Variants in JMJD1C observed in about 807,000 individuals in gnomAD.
JMJD1C encodes jumonji domain-containing protein 1C.
In JMJD1C, 31 loss-of-function variants were observed where a neutral mutation model predicts 245.3. The observed-to-expected ratio is 0.13, with a 90% confidence interval of 0.09 to 0.17. The LOEUF is 0.17. JMJD1C is among the 10% of genes least tolerant of loss of function. JMJD1C has a pLI of 1.00. For missense variants in JMJD1C, 2,691 were observed against 3,000.2 expected (o/e 0.90, Z 2.41); for synonymous variants, 1,057 against 1,017.4 (o/e 1.04, Z -0.74).
At chr10:63,280,676 C>A (rs760372064) in intron 2 of JMJD1C, among the ~76,000 whole-genome samples, 4 of 152,106 alleles carry the variant, frequency 2.6e-5, no homozygotes, top group Non-Finnish European at 4.4e-5. Context: ...TTAATATTAT[C>A]TTGTTCAATC....
intron 2 of JMJD1C, among the ~76,000 whole-genome samples, chr10:63,293,666 T>A (rs895613535): frequency 6.6e-6 from 1 of 152,188 alleles, no homozygotes; most frequent in Non-Finnish European, 1.5e-5. Context: ...GCCCAATTAT[T>A]GATAAATTCA....
chr10:63,450,807 A>C (rs1351264597), intron 1 of JMJD1C, among the ~76,000 whole-genome samples: 1 of 152,160 alleles, frequency 6.6e-6, no homozygotes, highest in Non-Finnish European at 1.5e-5. Flanking sequence ...GCAGCATTGG[A>C]CTAGTCAGAA....
chr10:63,338,373 A>C (rs1004127087), intron 2 of JMJD1C, among the ~76,000 whole-genome samples: 9 of 152,024 alleles, frequency 5.9e-5, no homozygotes, highest in Non-Finnish European at 1.2e-4. Context: ...GCCTCAAGAA[A>C]TTATTCCATC....
At chr10:63,454,061 G>A (rs1043978516) in intron 1 of JMJD1C, among the ~76,000 whole-genome samples, 1 of 151,974 alleles carries the variant, frequency 6.6e-6, no homozygotes, top group Non-Finnish European at 1.5e-5. Flanking sequence ...TTTTCTACTA[G>A]TCAGAAAATT....
chr10:63,203,917 CATTATTTAATCCATGA>C (rs1846307846), intron 10 of JMJD1C: 1 of 977,088 alleles, frequency 1.0e-6, no homozygotes, highest in East Asian at 1.1e-4. Flanking sequence ...AGAAAATAGA[CATTATTTAATCCATGA>C]AGTAGATAAT....
At position 63,500,855 on chromosome 10, in the gene JMJD1C, GGATA is replaced by G. The variant is rs749694320; in HGVS notation, n.113+20879_113+20882del. 1.3e-3 allele frequency among the ~76,000 whole-genome samples: 191 copies of G among 152,134 alleles called. 1 individual carries two copies. The highest frequency in any genetic ancestry group is 1.7e-3 in the Non-Finnish European group (115 of 67,976). On this transcript the variant is annotated intron_variant and non_coding_transcript_variant, in intron 1 of 3. Coordinates refer to the JMJD1C transcript ENST00000633035. ...TGCACAGATGGATGGATGGATGGATGGATAGATAGATAAATGTATGTTTAACTAT... is the reference window on the plus strand; with the variant it reads ...TGCACAGATGGATGGATGGATGGATGGATAGATAAATGTATGTTTAACTAT...
chr10:63,352,285 A>C (rs1290314437), intron 2 of JMJD1C, among the ~76,000 whole-genome samples: 1 of 152,206 alleles, frequency 6.6e-6, no homozygotes, highest in Non-Finnish European at 1.5e-5. Flanking sequence ...TAATAGACAT[A>C]TTTTCAAAAA....
At chr10:63,268,922 G>C in intron 2 of JMJD1C, 1 of 985,790 alleles carries the variant, frequency 1.0e-6, no homozygotes, top group Non-Finnish European at 1.2e-6. Flanking sequence ...AGTCTCCAAC[G>C]AGCAAATGAC....
intron 2 of JMJD1C, among the ~76,000 whole-genome samples, chr10:63,365,395 G>A (rs533766859): frequency 4.9e-4 from 75 of 152,194 alleles, no homozygotes; most frequent in African/African-American, 1.7e-3. Context: ...ATAAAAATTA[G>A]GTTGTTTTCC....
chr10:63,502,218 A>T (rs1219537914), intron 1 of JMJD1C, among the ~76,000 whole-genome samples: 1 of 152,212 alleles, frequency 6.6e-6, no homozygotes, highest in Non-Finnish European at 1.5e-5. Flanking sequence ...CCTTTCTCCC[A>T]AGTAAGGTTA....
chr10:63,493,669 C>T (rs1465289888), intron 1 of JMJD1C, among the ~76,000 whole-genome samples: 2 of 152,128 alleles, frequency 1.3e-5, no homozygotes, highest in Non-Finnish European at 2.9e-5. Context: ...TTTGAAAGTA[C>T]ATATTATTAG....
chr10:63,361,442 T>A (rs1232714645), intron 2 of JMJD1C, among the ~76,000 whole-genome samples: 1 of 151,906 alleles, frequency 6.6e-6, no homozygotes, highest in Non-Finnish European at 1.5e-5. Context: ...AGTAAGTACA[T>A]AAACAAATGA....
At chr10:63,409,211 T>C (rs371310906) in intron 1 of JMJD1C, among the ~76,000 whole-genome samples, 2 of 152,320 alleles carry the variant, frequency 1.3e-5, no homozygotes, top group Non-Finnish European at 2.9e-5. Flanking sequence ...CCACTCGTAA[T>C]TGACATCTTA....
intron 2 of JMJD1C, among the ~76,000 whole-genome samples, chr10:63,326,965 T>C (rs748741555): frequency 2.6e-5 from 4 of 152,044 alleles, no homozygotes; most frequent in Non-Finnish European, 4.4e-5. Flanking sequence ...GACAGGAAGA[T>C]TGCTTGAGTC....
chr10:63,392,867 A>AC (rs1554918146), intron 1 of JMJD1C, among the ~76,000 whole-genome samples: 5 of 112,282 alleles, frequency 4.5e-5, no homozygotes, highest in Admixed American at 1.1e-4. Flanking sequence ...AAAGTACATA[A>AC]ACACACACAC....
chr10:63,184,139 G>A (rs1843821042), intron 21 of JMJD1C, among the ~76,000 whole-genome samples: 1 of 151,894 alleles, frequency 6.6e-6, no homozygotes. Context: ...GTCAGCCAGG[G>A]TGGTCTCAAT....
intron 3 of JMJD1C, among the ~76,000 whole-genome samples, chr10:63,224,016 G>A (rs1358163972): frequency 1.8e-4 from 27 of 151,838 alleles, no homozygotes; most frequent in Non-Finnish European, 1.5e-5. Flanking sequence ...CCTCCCAATG[G>A]GATTACAGGC....
At chr10:63,475,517 T>C (rs1289805964) in intron 1 of JMJD1C, among the ~76,000 whole-genome samples, 2 of 152,212 alleles carry the variant, frequency 1.3e-5, no homozygotes, top group Non-Finnish European at 2.9e-5. Context: ...TAGATGATAC[T>C]GTATGTACTT....
At chr10:63,252,687 T>G (rs997228741) in intron 3 of JMJD1C, among the ~76,000 whole-genome samples, 8 of 152,164 alleles carry the variant, frequency 5.3e-5, no homozygotes, top group Admixed American at 3.3e-4. Flanking sequence ...AGCACTCTAC[T>G]GAGAAACACT....
Sources: gnomAD v4.1 joint callset for allele counts (sites outside exome capture counted in the v4.1 genomes callset) on GRCh38, gnomAD v4.1.1 for gene constraint, MANE v1.5 for transcripts, NCBI Gene and HGNC (gene_info 2026-07-23, HGNC 2026-07-21) for gene names.